Variants in ELF2 observed in about 807,000 individuals in gnomAD.
ELF2 encodes E74 like ETS transcription factor 2, also known as ETS-related transcription factor Elf-2.
ELF2 carries 11 observed loss-of-function variants against 54.8 expected under a neutral mutation model. That is an observed-to-expected ratio of 0.20 (90% CI 0.13 to 0.33). The LOEUF (loss-of-function observed/expected upper bound fraction) is 0.33. Ranked by LOEUF, ELF2 falls within the 10% of genes least tolerant of loss-of-function variation. The probability of loss-of-function intolerance (pLI) is 1.00; values close to 1 mark genes in which losing one functional copy is unlikely to be tolerated. For missense variants in ELF2, 513 were observed against 703.0 expected (o/e 0.73, Z 3.06); for synonymous variants, 203 against 245.1 (o/e 0.83, Z 1.61).
rs577461513 is a variant in ELF2, at chr4:139,158,542, A to G, written c.-252+18425T>C. 1.1e-3 allele frequency among the ~76,000 whole-genome samples: 165 copies of G among 152,258 alleles called. 2 individuals are homozygous for G. Among genetic ancestry groups the G allele is most frequent in the African/African-American group, 3.9e-3 (162 of 41,546 alleles). On this transcript the variant is annotated intron_variant, in intron 1 of 9. Transcript: ENST00000686138. ...TGGGAACCTAGAGTGGGAGAGATTAAGCTGAAAGAAGATTTTGTGGTAAGG... is the reference window on the plus strand; with the variant it reads ...TGGGAACCTAGAGTGGGAGAGATTAGGCTGAAAGAAGATTTTGTGGTAAGG...
At chr4:139,091,172 C>T (rs758303533) in intron 4 of ELF2, among the ~76,000 whole-genome samples, 4 of 152,174 alleles carry the variant, frequency 2.6e-5, no homozygotes, top group African/African-American at 4.8e-5. Context: ...CCTCGTGATC[C>T]GCCTGGCTCG....
chr4:139,175,097 A>C (rs1742772542), intron 1 of ELF2, among the ~76,000 whole-genome samples: 1 of 152,224 alleles, frequency 6.6e-6, no homozygotes, highest in Non-Finnish European at 1.5e-5. Flanking sequence ...TGTACACTTT[A>C]AACTGAACTG....
At chr4:139,089,367 C>T (rs1415941402) in intron 4 of ELF2, among the ~76,000 whole-genome samples, 1 of 152,148 alleles carries the variant, frequency 6.6e-6, no homozygotes, top group African/African-American at 2.4e-5. Flanking sequence ...CCCTTCTCAA[C>T]CAGAACCTGC....
chr4:139,065,696 TTGTAA>T (rs1408017131), intron 7 of ELF2, among the ~76,000 whole-genome samples: 2 of 152,132 alleles, frequency 1.3e-5, no homozygotes, highest in Non-Finnish European at 1.5e-5. Context: ...AAGACTGAAA[TTGTAA>T]TGAGATGTGA....
intron 7 of ELF2, among the ~76,000 whole-genome samples, chr4:139,063,560 C>T (rs1728205725): frequency 6.6e-6 from 1 of 152,008 alleles, no homozygotes; most frequent in African/African-American, 2.4e-5. Flanking sequence ...TCATCGCATA[C>T]CATGCTTAAG....
intron 1 of ELF2, among the ~76,000 whole-genome samples, chr4:139,162,455 C>T (rs1170277088): frequency 2.6e-5 from 4 of 151,980 alleles, no homozygotes; most frequent in African/African-American, 9.7e-5. Context: ...TGCTTGAACC[C>T]GGGAAGTGGA....
intron 3 of ELF2, among the ~76,000 whole-genome samples, chr4:139,130,371 C>T (rs1737369964): frequency 6.6e-6 from 1 of 152,184 alleles, no homozygotes; most frequent in Non-Finnish European, 1.5e-5. Context: ...TAATATACCA[C>T]CTTTATATCT....
intron 4 of ELF2, among the ~76,000 whole-genome samples, chr4:139,074,093 G>A (rs758778810): frequency 2.0e-5 from 3 of 152,108 alleles, no homozygotes; most frequent in African/African-American, 7.2e-5. Flanking sequence ...GCACCACTGC[G>A]CTCCAGCCTG....
upstream of ELF2, chr4:139,177,295 C>A (rs1455997284): frequency 6.7e-6 from 1 of 150,228 alleles, no homozygotes; most frequent in East Asian, 2.0e-4. Context: ...GGCCTCCTGC[C>A]GCCTCCACCA....
At chr4:139,129,256 C>T (rs1452769638) in intron 3 of ELF2, among the ~76,000 whole-genome samples, 1 of 152,134 alleles carries the variant, frequency 6.6e-6, no homozygotes, top group Non-Finnish European at 1.5e-5. Context: ...TACTTTCAAG[C>T]GTCTCCTCTG....
chr4:139,126,601 G>C (rs1245239450), intron 3 of ELF2, among the ~76,000 whole-genome samples: 2 of 152,076 alleles, frequency 1.3e-5, no homozygotes, highest in Admixed American at 1.3e-4. Context: ...TTACTACAAA[G>C]AATCAGGACA....
intron 4 of ELF2, among the ~76,000 whole-genome samples, chr4:139,119,521 C>T (rs1018062329): frequency 2.0e-5 from 3 of 152,164 alleles, no homozygotes; most frequent in Non-Finnish European, 2.9e-5. Context: ...CAGAATCTCC[C>T]AAGGTGACTC....
At chr4:139,131,527 T>C (rs1212008379) in intron 3 of ELF2, among the ~76,000 whole-genome samples, 2 of 152,172 alleles carry the variant, frequency 1.3e-5, no homozygotes, top group East Asian at 1.9e-4. Flanking sequence ...TAGGAATATA[T>C]AGAAAGATAA....
intron 4 of ELF2, among the ~76,000 whole-genome samples, chr4:139,087,360 C>T (rs1732083352): frequency 6.6e-6 from 1 of 152,226 alleles, no homozygotes; most frequent in African/African-American, 2.4e-5. Context: ...AGCAATCCTC[C>T]GTCCTTGGCA....
intron 1 of ELF2, among the ~76,000 whole-genome samples, chr4:139,158,059 A>G (rs1740725921): frequency 6.6e-6 from 1 of 152,190 alleles, no homozygotes; most frequent in Non-Finnish European, 1.5e-5. Flanking sequence ...AGGCGGGCTG[A>G]GTCCGAAGAA....
chr4:139,156,856 A>T (rs1351971970), intron 1 of ELF2, among the ~76,000 whole-genome samples: 1 of 151,606 alleles, frequency 6.6e-6, no homozygotes, highest in Non-Finnish European at 1.5e-5. Flanking sequence ...CTGGTCTCGA[A>T]CTCCTGACCT....
intron 4 of ELF2, among the ~76,000 whole-genome samples, chr4:139,081,540 C>T (rs376353449): frequency 2.6e-5 from 4 of 152,120 alleles, no homozygotes; most frequent in African/African-American, 9.7e-5. Context: ...TACATTTATA[C>T]ATTATATAGA....
intron 4 of ELF2, among the ~76,000 whole-genome samples, chr4:139,100,063 G>A (rs1159327236): frequency 6.6e-6 from 1 of 152,226 alleles, no homozygotes; most frequent in Non-Finnish European, 1.5e-5. Context: ...TTTGTATTGT[G>A]AGGGGAAGGG....
chr4:139,157,020 T>C (rs975444075), intron 1 of ELF2, among the ~76,000 whole-genome samples: 2 of 152,186 alleles, frequency 1.3e-5, no homozygotes, highest in African/African-American at 4.8e-5. Flanking sequence ...AAAGGCATCC[T>C]TAGGTCCTTA....
Sources: allele counts gnomAD v4.1 joint callset (sites outside exome capture counted in the v4.1 genomes callset), GRCh38; gene constraint gnomAD v4.1.1; transcripts MANE v1.5; gene names NCBI Gene and HGNC (gene_info 2026-07-23, HGNC 2026-07-21).